Variants in IFTAP observed in about 807,000 individuals in gnomAD.
The protein encoded by IFTAP is intraflagellar transport-associated protein.
In IFTAP, 19 loss-of-function variants were observed where a neutral mutation model predicts 19.4. That is an observed-to-expected ratio of 0.98 (90% CI 0.68 to 1.44). The LOEUF (loss-of-function observed/expected upper bound fraction) is 1.44, where lower values mean the gene tolerates loss of function less well. Among genes scored for constraint, IFTAP ranks in the 40% most tolerant of loss-of-function variants. The probability of loss-of-function intolerance (pLI) is 0.00; values close to 1 mark genes in which losing one functional copy is unlikely to be tolerated. For synonymous variants in IFTAP, 85 were observed against 83.5 expected (o/e 1.02, Z -0.10); for missense variants, 240 against 253.6 (o/e 0.95, Z 0.36).
chr11:36,648,188 C>G, intron 5 of IFTAP, 33 bp downstream of exon 5: 2 of 1,598,718 alleles, frequency 1.3e-6, no homozygotes. Context: ...ATTCTCCACA[C>G]TGCCTTGATT....
chr11:36,657,745 A>G (rs891380445), intron 5 of IFTAP, among the ~76,000 whole-genome samples: 2 of 152,296 alleles, frequency 1.3e-5, no homozygotes, highest in Non-Finnish European at 1.5e-5. Context: ...GGTTGCTTGA[A>G]TATCACTGCT....
At chr11:36,655,236 G>T (rs1006489153) in intron 5 of IFTAP, among the ~76,000 whole-genome samples, 1 of 151,916 alleles carries the variant, frequency 6.6e-6, no homozygotes, top group Non-Finnish European at 1.5e-5. Context: ...TTATTTCCAT[G>T]GTCTGCTCAT....
At chr11:36,623,328 G>GT (rs748521750) in intron 2 of IFTAP, among the ~76,000 whole-genome samples, 20 of 151,386 alleles carry the variant, frequency 1.3e-4, no homozygotes, top group Non-Finnish European at 2.5e-4. Flanking sequence ...TATGAATAAG[G>GT]TCTGTAGCTT....
At chr11:36,601,734 G>A (rs1851517125) in intron 1 of IFTAP, among the ~76,000 whole-genome samples, 1 of 151,920 alleles carries the variant, frequency 6.6e-6, no homozygotes, top group Admixed American at 6.6e-5. Flanking sequence ...GCTCAACTCA[G>A]CCACCACCTT....
chr11:36,636,425 G>A (rs1205871534), intron 4 of IFTAP, among the ~76,000 whole-genome samples: 2 of 152,140 alleles, frequency 1.3e-5, no homozygotes, highest in Non-Finnish European at 2.9e-5. Context: ...CTGTTTCCTA[G>A]AGGTACAGTC....
At chr11:36,647,100 C>A (rs1853517408) in intron 4 of IFTAP, among the ~76,000 whole-genome samples, 1 of 152,062 alleles carries the variant, frequency 6.6e-6, no homozygotes, top group Non-Finnish European at 1.5e-5. Flanking sequence ...ATACATGCTG[C>A]CATTTGCAGC....
intron 1 of IFTAP, among the ~76,000 whole-genome samples, chr11:36,595,588 G>T (rs1851187278): frequency 6.6e-6 from 1 of 152,220 alleles, no homozygotes; most frequent in Admixed American, 6.5e-5. Flanking sequence ...TCCTGGCTCT[G>T]CCACTAACTA....
intron 5 of IFTAP, among the ~76,000 whole-genome samples, chr11:36,655,317 C>G (rs1051869305): frequency 2.0e-5 from 3 of 152,166 alleles, no homozygotes; most frequent in Non-Finnish European, 2.9e-5. Context: ...AGAGTCAGCT[C>G]AGATATCACC....
intron 1 of IFTAP, among the ~76,000 whole-genome samples, chr11:36,599,855 C>A (rs779440952): frequency 3.3e-5 from 5 of 152,068 alleles, no homozygotes; most frequent in Non-Finnish European, 7.4e-5. Flanking sequence ...ATTACAGCAA[C>A]CATAAGGACA....
Position 36,609,981 on chromosome 11 carries a change from G to A in IFTAP, c.-23-100G>A. 1.9e-5 allele frequency: 20 copies of A among 1,074,338 alleles called. 1 individual carries two copies. In the South Asian group the frequency reaches 2.8e-4, roughly 15 times the overall value. The allele number at this position is 1,074,338 out of a possible 1,614,324, so 66.6% of individuals were successfully genotyped here. ...TGCTCTAGTAACTATCTTGATCTTT[G>A]TTTTGGAGCCTTGGAATTTTTCAAC... On this transcript the variant is annotated intron_variant, in intron 1 of 5. Transcript: ENST00000334307.
At chr11:36,621,035 T>G (rs922406921) in intron 2 of IFTAP, among the ~76,000 whole-genome samples, 1 of 152,038 alleles carries the variant, frequency 6.6e-6, no homozygotes, top group Non-Finnish European at 1.5e-5. Context: ...AGGTGGTCAT[T>G]ATCAATCTTT....
chr11:36,614,856 C>G (rs1384134428), intron 2 of IFTAP, among the ~76,000 whole-genome samples: 9 of 148,268 alleles, frequency 6.1e-5, no homozygotes, highest in East Asian at 5.8e-4. Flanking sequence ...AAATGTTCTC[C>G]CATTTTGTAG....
intron 2 of IFTAP, among the ~76,000 whole-genome samples, chr11:36,619,909 T>C (rs965141531): frequency 2.6e-5 from 4 of 151,956 alleles, no homozygotes; most frequent in Non-Finnish European, 5.9e-5. Context: ...AAAGAGAAGA[T>C]AATTGAAAAT....
chr11:36,646,787 G>A (rs1590232048), intron 4 of IFTAP, among the ~76,000 whole-genome samples: 1 of 152,094 alleles, frequency 6.6e-6, no homozygotes, highest in South Asian at 2.1e-4. Flanking sequence ...AGCTTTGGGA[G>A]TATTAGCTGA....
At chr11:36,642,654 C>G (rs1853273831) in intron 4 of IFTAP, among the ~76,000 whole-genome samples, 3 of 152,036 alleles carry the variant, frequency 2.0e-5, no homozygotes, top group Admixed American at 6.6e-5. Context: ...AAAAGCTTAC[C>G]CACTATGATC....
At chr11:36,650,016 C>T (rs575793514) in intron 5 of IFTAP, among the ~76,000 whole-genome samples, 1 of 152,136 alleles carries the variant, frequency 6.6e-6, no homozygotes, top group Non-Finnish European at 1.5e-5. Context: ...ATGCTCAACT[C>T]GTATATATTC....
chr11:36,602,892 G>A (rs1266748113), intron 1 of IFTAP, among the ~76,000 whole-genome samples: 1 of 151,932 alleles, frequency 6.6e-6, no homozygotes, highest in African/African-American at 2.4e-5. Context: ...AAAAACAATG[G>A]ATTTCCTGAG....
At chr11:36,600,299 C>T (rs746090370) in intron 1 of IFTAP, among the ~76,000 whole-genome samples, 19 of 152,260 alleles carry the variant, frequency 1.2e-4, no homozygotes, top group Non-Finnish European at 2.4e-4. Flanking sequence ...CCCTGAGCCA[C>T]GGACAGGTAC....
At chr11:36,646,433 T>C (rs914593187) in intron 4 of IFTAP, among the ~76,000 whole-genome samples, 3 of 152,136 alleles carry the variant, frequency 2.0e-5, no homozygotes, top group Non-Finnish European at 4.4e-5. Context: ...AACTCATAAA[T>C]AGGTGCATTA....
Sources: gnomAD v4.1 joint callset for allele counts (sites outside exome capture counted in the v4.1 genomes callset) on GRCh38, gnomAD v4.1.1 for gene constraint, MANE v1.5 for transcripts, NCBI Gene and HGNC (gene_info 2026-07-23, HGNC 2026-07-21) for gene names.